KATNAL1: variants seen among roughly 807,000 people sequenced by gnomAD.
KATNAL1 encodes the protein katanin catalytic subunit A1 like 1.
KATNAL1 carries 32 observed loss-of-function variants against 55.2 expected under a neutral mutation model. The observed-to-expected ratio is 0.58, with a 90% CI of 0.44 to 0.78. KATNAL1 has a LOEUF of 0.78. Among genes scored for constraint, KATNAL1 ranks in the 30% least tolerant of loss-of-function variants. KATNAL1 has a pLI of 0.00. For missense variants in KATNAL1, 466 were observed against 600.9 expected, an observed-to-expected ratio of 0.78 and a Z score of 2.35; for synonymous variants, 193 against 193.6, an observed-to-expected ratio of 1.00 and a Z score of 0.02.
intron 9 of KATNAL1, among the ~76,000 whole-genome samples, chr13:30,211,621 C>T (rs1183764572): frequency 2.0e-5 from 3 of 152,140 alleles, no homozygotes; most frequent in Non-Finnish European, 4.4e-5. Flanking sequence ...TTTTGTCTTT[C>T]ATGAAATTGA....
chr13:30,270,094 C>T (rs1431734707), intron 3 of KATNAL1, among the ~76,000 whole-genome samples: 35 of 134,228 alleles, frequency 2.6e-4, no homozygotes, highest in Non-Finnish European at 3.6e-4. Flanking sequence ...GCCCCCCGCC[C>T]GGCCAGCCGC....
rs1877437734 is a variant in KATNAL1 at position 30,243,110 on chromosome 13, T to A, written c.493-2024A>T. Among the ~76,000 whole-genome samples, 2 of 152,230 alleles carry A rather than the reference T, an allele frequency of 1.3e-5. 1 individual carries two copies. The highest frequency in any genetic ancestry group is 4.1e-4 in the South Asian group (2 of 4,832). On this transcript the variant is annotated intron_variant, in intron 4 of 10. Transcript: ENST00000380615. ...TTAGAATTCTTTCCTTAGATTTTCA[T>A]ATGAGTTGACTAAGGTCAACATTAG...
chr13:30,208,481 C>A lies in KATNAL1; in HGVS notation c.*59G>T. 2 of 1,369,960 alleles carry A rather than the reference C, an allele frequency of 1.5e-6. No homozygotes were observed. Among genetic ancestry groups the A allele is most frequent in the Non-Finnish European group, 1.9e-6 (2 of 1,031,900 alleles). The allele number at this position is 1,369,960 out of a possible 1,614,324, so 84.9% of individuals were successfully genotyped here. A position where few individuals can be genotyped will look rare whatever the true frequency, so the allele number is the denominator to read the frequency against. ...TTCCAAACTTGTTTTTTAAAAATTG[C>A]AGGAATTTCTTCGTATTTTATCAAC... On this transcript the variant is annotated 3_prime_UTR_variant, in exon 11 of 11. Transcript: ENST00000380615.
At chr13:30,253,828 A>C (rs1411826302) in intron 4 of KATNAL1, among the ~76,000 whole-genome samples, 1 of 152,194 alleles carries the variant, frequency 6.6e-6, no homozygotes, top group Admixed American at 6.5e-5. Flanking sequence ...GGGGAACTAC[A>C]TAACATGAAA....
Position 30,280,167 on chromosome 13 carries a change from T to C in KATNAL1, c.219A>G (p.Leu73=), listed in dbSNP as rs1377725515. 1 of 1,613,384 alleles carries C rather than the reference T, an allele frequency of 6.2e-7. No homozygotes were observed. Among genetic ancestry groups the C allele is most frequent in the Non-Finnish European group, 8.5e-7 (1 of 1,179,706 alleles). ...GAGGCTTGTCAATTTTAAAACTTTC[T>C]AAAGTGCTGACAATACTTTTAACTT... ...YEQVKSIVST[L]ESFKIDKPPD... The change falls in exon 3 of 11, where the codon TTA becomes TTG. Residue 73 remains leucine, a synonymous_variant. Coordinates refer to ENST00000380615, the MANE Select transcript of KATNAL1 (RefSeq NM_032116.5).
intron 9 of KATNAL1, among the ~76,000 whole-genome samples, chr13:30,215,391 C>G (rs534658889): frequency 2.2e-4 from 34 of 152,158 alleles, no homozygotes; most frequent in Admixed American, 2.2e-3. Flanking sequence ...TATACAACTA[C>G]AAATACCATT....
chr13:30,294,429 C>A (rs1037684592), intron 1 of KATNAL1, among the ~76,000 whole-genome samples: 1 of 152,200 alleles, frequency 6.6e-6, no homozygotes, highest in Non-Finnish European at 1.5e-5. Context: ...TTCCCTTAAG[C>A]CAAAGCCTAA....
In KATNAL1 at chr13:30,229,568, C is replaced by T. The variant is rs1387762762; in HGVS notation, c.1012+900G>A. On this transcript the variant is annotated intron_variant, in intron 8 of 10. Transcript: ENST00000380615. The stretch of plus-strand genomic sequence containing the variant: ...GACCCTGTCTTTACAAAAAATAAAA[C>T]TTAGCCAGATGTGGTGGCATGTGCC... 5.3e-5 allele frequency among the ~76,000 whole-genome samples: 8 copies of T among 152,174 alleles called. No individual in the cohort carries two copies. In the East Asian group the frequency reaches 1.5e-3, roughly 29 times the overall value.
intron 1 of KATNAL1, among the ~76,000 whole-genome samples, chr13:30,290,726 AATAG>A (rs1381829832): frequency 1.3e-5 from 2 of 152,284 alleles, no homozygotes; most frequent in African/African-American, 2.4e-5. Context: ...CAATATGTAA[AATAG>A]ATAATGTATT....
intron 1 of KATNAL1, among the ~76,000 whole-genome samples, chr13:30,297,783 C>T (rs983961284): frequency 6.6e-6 from 1 of 152,162 alleles, no homozygotes; most frequent in African/African-American, 2.4e-5. Flanking sequence ...CCAAGTACTA[C>T]ATATTCTTAC....
In KATNAL1 at chr13:30,231,801, G is replaced by C. The variant is rs187577627; in HGVS notation, c.727-329C>G. Among the ~76,000 whole-genome samples, 154 of 152,230 alleles carry C rather than the reference G, an allele frequency of 1.0e-3. 1 individual carries two copies. Among genetic ancestry groups the C allele is most frequent in the African/African-American group, 3.6e-3 (148 of 41,564 alleles). On this transcript the variant is annotated intron_variant, in intron 6 of 10. Coordinates refer to ENST00000380615, the MANE Select transcript of KATNAL1 (RefSeq NM_032116.5). ...ATATAATATTCAGCACTGCTTAAAA[G>C]CAACTGTTCTGTTTACACATAATAA...
chr13:30,223,077 A>G (rs1005804507), intron 9 of KATNAL1, among the ~76,000 whole-genome samples: 1 of 151,856 alleles, frequency 6.6e-6, no homozygotes, highest in East Asian at 1.9e-4. Context: ...CCTGGGCAAC[A>G]GAGTGAGGCT....
intron 3 of KATNAL1, among the ~76,000 whole-genome samples, chr13:30,265,676 A>C (rs1035665976): frequency 2.4e-4 from 36 of 151,640 alleles, no homozygotes; most frequent in Non-Finnish European, 2.9e-5. Context: ...TGAGCCTAGC[A>C]GATTTTAGAA....
chr13:30,299,455 G>A (rs1882728997), intron 1 of KATNAL1, among the ~76,000 whole-genome samples: 1 of 151,730 alleles, frequency 6.6e-6, no homozygotes, highest in Non-Finnish European at 1.5e-5. Context: ...AACTGAAGCA[G>A]TTAATTTTTC....
chr13:30,286,243 G>C (rs1881778803), intron 1 of KATNAL1, among the ~76,000 whole-genome samples: 1 of 152,182 alleles, frequency 6.6e-6, no homozygotes, highest in Non-Finnish European at 1.5e-5. Flanking sequence ...TGCCTCCAGG[G>C]CATGTCAGAG....
chr13:30,300,189 A>T (rs1566137759), intron 1 of KATNAL1, among the ~76,000 whole-genome samples: 1 of 152,256 alleles, frequency 6.6e-6, no homozygotes, highest in African/African-American at 2.4e-5. Context: ...AGGAAACAAA[A>T]CATTTTTTAA....
intron 1 of KATNAL1, among the ~76,000 whole-genome samples, chr13:30,286,850 C>A (rs1297563342): frequency 6.6e-6 from 1 of 152,218 alleles, no homozygotes; most frequent in African/African-American, 2.4e-5. Flanking sequence ...GAACCTACCT[C>A]TGACATCAGT....
intron 2 of KATNAL1, among the ~76,000 whole-genome samples, chr13:30,283,266 C>CAAAAAAAAA (rs35463025): frequency 2.9e-5 from 1 of 35,078 alleles, no homozygotes; most frequent in African/African-American, 1.4e-4. Context: ...GACTCTGTCT[C>CAAAAAAAAA]AAAAAAAAAA....
At chr13:30,212,237 C>T (rs11620576) in intron 9 of KATNAL1, among the ~76,000 whole-genome samples, 7,137 of 152,298 alleles carry the variant, frequency 0.047, 246 homozygotes, top group African/African-American at 0.092. Context: ...TCAAAAGATA[C>T]TGTCGACACA....
Sources: allele counts gnomAD v4.1 joint callset (sites outside exome capture counted in the v4.1 genomes callset), GRCh38; gene constraint gnomAD v4.1.1; transcripts MANE v1.5; gene names NCBI Gene and HGNC (gene_info 2026-07-23, HGNC 2026-07-21).